SPOCK1: variants seen among roughly 807,000 people sequenced by gnomAD.
SPOCK1 encodes the protein SPARC (osteonectin), cwcv and kazal like domains proteoglycan 1, also known as testican-1.
A neutral mutation model predicts 55.3 loss-of-function variants in SPOCK1; 23 were observed. That is an observed-to-expected ratio of 0.42 (90% CI 0.30 to 0.59). The LOEUF is 0.59. Ranked by LOEUF, SPOCK1 falls within the 20% of genes least tolerant of loss-of-function variation. The probability of loss-of-function intolerance (pLI) is 0.22; values close to 1 mark genes in which losing one functional copy is unlikely to be tolerated. For synonymous variants in SPOCK1, 226 were observed against 221.0 expected (o/e 1.02, Z -0.20); for missense variants, 499 against 552.5 (o/e 0.90, Z 0.97).
Position 137,279,745 on chromosome 5 carries a change from G to A in SPOCK1, c.187-12690C>T, listed in dbSNP as rs1365679965. ...AATTACAATCCCTCCACTTTAGCTG[G>A]AAGGCTAAGCCATGACACTGTATCT... is the stretch of plus-strand genomic sequence containing the variant. On this transcript the variant is annotated intron_variant, in intron 2 of 10. Coordinates refer to ENST00000394945, the MANE Select transcript of SPOCK1 (RefSeq NM_004598.4). 4.6e-5 allele frequency among the ~76,000 whole-genome samples: 7 copies of A among 152,260 alleles called. No individual in the cohort carries two copies. In the East Asian group the frequency reaches 1.2e-3, roughly 25 times the overall value.
chr5:137,027,123 C>T (rs982395407), intron 6 of SPOCK1, among the ~76,000 whole-genome samples: 3 of 152,086 alleles, frequency 2.0e-5, no homozygotes, highest in Non-Finnish European at 4.4e-5. Context: ...ACAAACATCA[C>T]CTAAAGGACC....
chr5:137,185,695 C>T (rs1363649747), intron 3 of SPOCK1, among the ~76,000 whole-genome samples: 2 of 151,420 alleles, frequency 1.3e-5, no homozygotes, highest in Non-Finnish European at 2.9e-5. Flanking sequence ...GATGGACTAC[C>T]GTGGTGCCAG....
rs17170975 is a variant in SPOCK1 at position 137,114,093 on chromosome 5, A to T, written c.348-1532T>A. On this transcript the variant is annotated intron_variant, in intron 4 of 10. Coordinates refer to ENST00000394945, the MANE Select transcript of SPOCK1 (RefSeq NM_004598.4). ...ACCTTTGAGGGTGACATCAGAGAGG[A>T]TCAACAGGTACCCACAGCACAGCAC... 3.7e-3 allele frequency among the ~76,000 whole-genome samples: 570 copies of T among 152,290 alleles called. 29 individuals are homozygous for T. In the East Asian group the frequency reaches 0.098, roughly 26 times the overall value.
chr5:137,146,535 T>C (rs1754197678), intron 3 of SPOCK1, among the ~76,000 whole-genome samples: 1 of 152,178 alleles, frequency 6.6e-6, no homozygotes, highest in Non-Finnish European at 1.5e-5. Flanking sequence ...AGGAGTGACT[T>C]AATGGACGAC....
At chr5:137,001,575 T>G (rs559331210) in intron 6 of SPOCK1, among the ~76,000 whole-genome samples, 35 of 152,238 alleles carry the variant, frequency 2.3e-4, no homozygotes, top group Middle Eastern at 3.4e-3. Context: ...TGCACTTGAG[T>G]GCAAGGTTGG....
intron 6 of SPOCK1, among the ~76,000 whole-genome samples, chr5:137,059,969 G>A (rs1274852424): frequency 2.0e-5 from 3 of 152,206 alleles, no homozygotes; most frequent in Non-Finnish European, 4.4e-5. Flanking sequence ...CAAGGCTGCA[G>A]AGAAAAGGGA....
intron 4 of SPOCK1, among the ~76,000 whole-genome samples, chr5:137,128,115 T>A (rs1753810301): frequency 6.6e-6 from 1 of 152,118 alleles, no homozygotes; most frequent in South Asian, 2.1e-4. Flanking sequence ...GGTGACCTCA[T>A]AAAAGAAGGC....
intron 2 of SPOCK1, among the ~76,000 whole-genome samples, chr5:137,423,856 A>T (rs1026245028): frequency 6.6e-6 from 1 of 152,074 alleles, no homozygotes; most frequent in Admixed American, 6.5e-5. Flanking sequence ...TGCAGAAATC[A>T]CCTGTCTTCT....
chr5:137,369,242 T>C (rs1751144662), intron 2 of SPOCK1, among the ~76,000 whole-genome samples: 1 of 152,230 alleles, frequency 6.6e-6, no homozygotes, highest in Middle Eastern at 3.2e-3. Context: ...TGCAAATTCA[T>C]ACACAAGACA....
chr5:137,024,322 G>GGGGC (rs1554093492), intron 6 of SPOCK1, among the ~76,000 whole-genome samples: 8 of 144,312 alleles, frequency 5.5e-5, no homozygotes, highest in Middle Eastern at 3.3e-3. Flanking sequence ...GAAGGGGGGG[G>GGGGC]GGTAGTTACA....
intron 3 of SPOCK1, among the ~76,000 whole-genome samples, chr5:137,195,800 A>T (rs1280205557): frequency 6.6e-6 from 1 of 152,228 alleles, no homozygotes. Flanking sequence ...AGCACCAGGG[A>T]AACATCCCTC....
intron 2 of SPOCK1, among the ~76,000 whole-genome samples, chr5:137,356,945 G>T: frequency 6.8e-6 from 1 of 147,178 alleles, no homozygotes; most frequent in East Asian, 2.0e-4. Flanking sequence ...CTAGAGCCAA[G>T]CTCCAGCTTA....
chr5:137,332,246 C>T (rs1758201081), intron 2 of SPOCK1, among the ~76,000 whole-genome samples: 1 of 152,156 alleles, frequency 6.6e-6, no homozygotes, highest in Admixed American at 6.6e-5. Context: ...AGACTGTGCC[C>T]CTCCCTTTGA....
chr5:137,179,866 C>G (rs1382744961), intron 3 of SPOCK1, among the ~76,000 whole-genome samples: 1 of 152,144 alleles, frequency 6.6e-6, no homozygotes, highest in African/African-American at 2.4e-5. Flanking sequence ...TCTTCTACCC[C>G]CTTGTGTCAT....
At chr5:137,302,263 T>C (rs1561497976) in intron 2 of SPOCK1, among the ~76,000 whole-genome samples, 1 of 152,132 alleles carries the variant, frequency 6.6e-6, no homozygotes, top group Non-Finnish European at 1.5e-5. Context: ...GAATTAACAT[T>C]GAAGCTCCTT....
chr5:137,185,889 C>T (rs1755059748), intron 3 of SPOCK1, among the ~76,000 whole-genome samples: 1 of 152,118 alleles, frequency 6.6e-6, no homozygotes, highest in Non-Finnish European at 1.5e-5. Flanking sequence ...TGTGGTATTG[C>T]TACAAGACAG....
chr5:137,338,955 G>A (rs1180110489), intron 2 of SPOCK1, among the ~76,000 whole-genome samples: 1 of 152,168 alleles, frequency 6.6e-6, no homozygotes, highest in Non-Finnish European at 1.5e-5. Context: ...TGACATGTGG[G>A]AGGGACTCAA....
intron 2 of SPOCK1, among the ~76,000 whole-genome samples, chr5:137,342,075 C>T (rs1378521818): frequency 6.6e-6 from 1 of 152,228 alleles, no homozygotes; most frequent in East Asian, 1.9e-4. Context: ...GCCTTGCAAA[C>T]ATGTATGTGA....
chr5:137,196,158 T>C (rs1267426929), intron 3 of SPOCK1, among the ~76,000 whole-genome samples: 2 of 152,080 alleles, frequency 1.3e-5, no homozygotes, highest in Non-Finnish European at 2.9e-5. Flanking sequence ...CCTCACCTAT[T>C]CTGAGTCCAT....
Sources: allele counts gnomAD v4.1 joint callset (sites outside exome capture counted in the v4.1 genomes callset), GRCh38; gene constraint gnomAD v4.1.1; transcripts MANE v1.5; gene names NCBI Gene and HGNC (gene_info 2026-07-23, HGNC 2026-07-21).